Variants in MAGI2 observed in about 807,000 individuals in gnomAD.
MAGI2 encodes the protein membrane associated guanylate kinase, WW and PDZ domain containing 2.
MAGI2 carries 35 observed loss-of-function variants against 133.3 expected under a neutral mutation model. That is an observed-to-expected ratio of 0.26 (90% CI 0.20 to 0.35). The LOEUF (loss-of-function observed/expected upper bound fraction) is 0.35. MAGI2 is among the 10% of genes least tolerant of loss of function. The pLI, the probability that MAGI2 is intolerant of heterozygous loss-of-function variation, is 1.00. For missense variants in MAGI2, 1,636 were observed against 1,863.4 expected, an observed-to-expected ratio of 0.88 and a Z score of 2.25; for synonymous variants, 729 against 710.6, an observed-to-expected ratio of 1.03 and a Z score of -0.41.
intron 7 of MAGI2, among the ~76,000 whole-genome samples, chr7:78,353,281 T>G (rs1246245470): frequency 6.6e-6 from 1 of 152,234 alleles, no homozygotes; most frequent in Non-Finnish European, 1.5e-5. Flanking sequence ...ACAATCTGAC[T>G]AAGTAGTTTA....
chr7:79,242,517 C>T (rs1832495805), intron 1 of MAGI2, among the ~76,000 whole-genome samples: 1 of 152,154 alleles, frequency 6.6e-6, no homozygotes, highest in Non-Finnish European at 1.5e-5. Flanking sequence ...ACTTTAAATA[C>T]TACTTTAGAG....
chr7:79,171,770 A>ATATATATATATATATATATATATTTTT, intron 1 of MAGI2, among the ~76,000 whole-genome samples: 2 of 31,224 alleles, frequency 6.4e-5, no homozygotes, highest in Non-Finnish European at 2.2e-4. Flanking sequence ...ATATATATAT[A>ATATATATATATATATATATATATTTTT]TTTTTTTTTT....
At chr7:78,513,910 G>A (rs576675484) in intron 4 of MAGI2, among the ~76,000 whole-genome samples, 29 of 152,024 alleles carry the variant, frequency 1.9e-4, no homozygotes, top group African/African-American at 6.8e-4. Flanking sequence ...CCAACATGGT[G>A]AAACCCCATC....
chr7:79,306,984 C>G (rs907109548), intron 1 of MAGI2, among the ~76,000 whole-genome samples: 4 of 151,868 alleles, frequency 2.6e-5, no homozygotes, highest in Non-Finnish European at 4.4e-5. Context: ...CGGCTAATTT[C>G]TTTTTCTTTT....
At chr7:78,445,641 G>A (rs1788057613) in intron 6 of MAGI2, among the ~76,000 whole-genome samples, 1 of 151,962 alleles carries the variant, frequency 6.6e-6, no homozygotes, top group Admixed American at 6.6e-5. Flanking sequence ...CTCCTGAAAC[G>A]CACATATAAT....
chr7:79,127,597 C>G (rs10258248), intron 1 of MAGI2, among the ~76,000 whole-genome samples: 2 of 152,156 alleles, frequency 1.3e-5, no homozygotes, highest in Admixed American at 1.3e-4. Flanking sequence ...TAAATGTCTT[C>G]TTTTGAGAAG....
At chr7:78,280,054 C>T (rs1446571402) in intron 9 of MAGI2, among the ~76,000 whole-genome samples, 1 of 152,142 alleles carries the variant, frequency 6.6e-6, no homozygotes, top group Non-Finnish European at 1.5e-5. Context: ...TTGCCGCCTT[C>T]AGAGTGACCT....
At chr7:79,045,799 A>C (rs1425407095) in intron 1 of MAGI2, among the ~76,000 whole-genome samples, 1 of 152,170 alleles carries the variant, frequency 6.6e-6, no homozygotes, top group East Asian at 1.9e-4. Flanking sequence ...CCCCCAAAAA[A>C]AGAGTGGCAG....
chr7:78,058,003 A>ATATGTGTGTGTG, intron 21 of MAGI2, among the ~76,000 whole-genome samples: 1 of 117,020 alleles, frequency 8.5e-6, no homozygotes, highest in Non-Finnish European at 1.8e-5. Flanking sequence ...ATATATATAT[A>ATATGTGTGTGTG]TGTATGAGAA....
chr7:78,597,736 G>A (rs539751613), intron 3 of MAGI2, among the ~76,000 whole-genome samples: 10 of 152,200 alleles, frequency 6.6e-5, no homozygotes, highest in Admixed American at 3.9e-4. Context: ...ATTGCAGTAG[G>A]GATTTGGGAA....
At chr7:79,325,431 A>G (rs1300577059) in intron 1 of MAGI2, among the ~76,000 whole-genome samples, 3 of 152,218 alleles carry the variant, frequency 2.0e-5, no homozygotes, top group African/African-American at 7.2e-5. Flanking sequence ...CTTCTAGAGT[A>G]TTTCTAGATA....
At chr7:78,698,767 GAAGTGTCAAACA>G (rs1278176645) in intron 2 of MAGI2, among the ~76,000 whole-genome samples, 1 of 152,128 alleles carries the variant, frequency 6.6e-6, no homozygotes, top group Admixed American at 6.6e-5. Context: ...GTGCGAGAGA[GAAGTGTCAAACA>G]AAGCGGAGGG....
intron 1 of MAGI2, among the ~76,000 whole-genome samples, chr7:79,335,375 G>T (rs1840370333): frequency 6.6e-6 from 1 of 151,996 alleles, no homozygotes; most frequent in African/African-American, 2.4e-5. Flanking sequence ...GATATGAGTG[G>T]CATTTTTAGA....
chr7:78,446,786 T>G (rs921247734), intron 6 of MAGI2, among the ~76,000 whole-genome samples: 3 of 152,232 alleles, frequency 2.0e-5, no homozygotes, highest in Non-Finnish European at 4.4e-5. Context: ...CAAATGAAGC[T>G]TCAGCAATTT....
intron 1 of MAGI2, among the ~76,000 whole-genome samples, chr7:79,060,408 A>C (rs994545609): frequency 1.3e-5 from 2 of 152,116 alleles, no homozygotes; most frequent in Non-Finnish European, 2.9e-5. Flanking sequence ...AGTTACCTCT[A>C]AGTATTGGAA....
rs1047319964 is a variant in MAGI2 at position 78,730,968 on chromosome 7, T to C, written c.419-103729A>G. ...CTTACACTACAGCTCCCTCAGAAAA[T>C]AGCTTTCTGTTTAATACAATTTTCC... On this transcript the variant is annotated intron_variant, in intron 2 of 21. Transcript: ENST00000354212. Among the ~76,000 whole-genome samples, 9 of 152,000 alleles carry C rather than the reference T, an allele frequency of 5.9e-5. 1 individual carries two copies. Among genetic ancestry groups the C allele is most frequent in the African/African-American group, 2.2e-4 (9 of 41,404 alleles).
At chr7:79,098,313 C>T (rs1263620954) in intron 1 of MAGI2, among the ~76,000 whole-genome samples, 1 of 152,092 alleles carries the variant, frequency 6.6e-6, no homozygotes, top group African/African-American at 2.4e-5. Context: ...CTGAACTGCT[C>T]CTCTCACATG....
intron 2 of MAGI2, among the ~76,000 whole-genome samples, chr7:78,751,039 G>T (rs1823406115): frequency 6.6e-6 from 1 of 152,130 alleles, no homozygotes; most frequent in African/African-American, 2.4e-5. Context: ...ACCCATGGGA[G>T]AAATACACTG....
In MAGI2 at chr7:78,218,625, G is replaced by A. The variant is rs551963865; in HGVS notation, c.2048-17432C>T. 2.0e-5 allele frequency among the ~76,000 whole-genome samples: 3 copies of A among 152,236 alleles called. No individual in the cohort carries two copies. The South Asian group carries it at 6.2e-4, about 32-fold the overall frequency. On this transcript the variant is annotated intron_variant, in intron 10 of 21. Coordinates refer to ENST00000354212, the MANE Select transcript of MAGI2 (RefSeq NM_012301.4). Reference sequence around the variant, plus strand: ...AACAAAGAAGCCTGCAAACAATGTTGGCTTTCAGGTTTCTAAAGAGAAACA... The same window carrying A: ...AACAAAGAAGCCTGCAAACAATGTTAGCTTTCAGGTTTCTAAAGAGAAACA...
Sources: allele counts gnomAD v4.1 joint callset (sites outside exome capture counted in the v4.1 genomes callset), GRCh38; gene constraint gnomAD v4.1.1; transcripts MANE v1.5; gene names NCBI Gene and HGNC (gene_info 2026-07-23, HGNC 2026-07-21).